The following A2M variants were observed in gnomAD, a reference collection of about 807,000 sequenced individuals.
The protein encoded by A2M is alpha-2-macroglobulin.
In A2M, 128 loss-of-function variants were observed where a neutral mutation model predicts 183.9. The ratio of observed to expected loss-of-function variants is 0.70; its 90% CI spans 0.60 to 0.81. The LOEUF is 0.81. Ranked by LOEUF, A2M falls within the 30% of genes least tolerant of loss-of-function variation. A2M has a pLI of 0.00. For missense variants in A2M, 1,495 were observed against 1,787.6 expected, an observed-to-expected ratio of 0.84 and a Z score of 2.95; for synonymous variants, 592 against 670.8, an observed-to-expected ratio of 0.88 and a Z score of 1.81.
rs2137788706 is a variant in A2M, at chr12:9,090,455, C to T, written c.2497G>A (p.Ala833Thr). ...RVSVQLEASP[A>T]FLAVPVEKEQ... ...TTCTCCACTGGGACAGCTAGGAAGG[C>T]GGGAGAGGCTTCCAGCTGCACACTG... Residue 833 changes from alanine (A) to threonine (T), a missense_variant, in exon 20 of 36, where the codon GCC becomes ACC. Coordinates refer to ENST00000318602, the MANE Select transcript of A2M (RefSeq NM_000014.6). The T allele has an allele frequency of 1.9e-6, 3 of 1,613,864 alleles. No homozygotes were observed. Among genetic ancestry groups the T allele is most frequent in the African/African-American group, 1.3e-5 (1 of 75,004 alleles).
In A2M at chr12:9,095,708, A is replaced by G; in HGVS notation, c.1852-8T>C. ...TGGTAGCAGGTTGTAAACCTGTACA[A>G]ATACGAAAGACAAAAAGGCAAACTT... On this transcript the variant is annotated splice_region_variant and splice_polypyrimidine_tract_variant and intron_variant, in intron 15 of 35. Coordinates refer to ENST00000318602, the MANE Select transcript of A2M (RefSeq NM_000014.6). The G allele has an allele frequency of 6.4e-7, 1 of 1,561,354 alleles. No homozygotes were observed. The highest frequency in any genetic ancestry group is 2.3e-5 in the East Asian group (1 of 44,148).
intron 22 of A2M, among the ~76,000 whole-genome samples, chr12:9,087,358 C>T (rs1949080600): frequency 6.6e-6 from 1 of 152,080 alleles, no homozygotes. Flanking sequence ...CTATTTATGG[C>T]AGCATGATTA....
intron 35 of A2M, 159 bp downstream of exon 35, chr12:9,068,024 A>G: frequency 1.0e-6 from 1 of 980,464 alleles, no homozygotes. Context: ...TGACAGAGTC[A>G]GCGGCCCTCT....
chr12:9,074,913 T>C, intron 28 of A2M, 130 bp from the exon 29 acceptor site: 1 of 990,726 alleles, frequency 1.0e-6, no homozygotes, highest in African/African-American at 1.6e-5. Flanking sequence ...ATGTAGATGC[T>C]TTTCCCTTCA....
At chr12:9,072,511 A>G (rs773551777) in intron 30 of A2M, 25 bp from the exon 31 acceptor site, 1 of 1,605,064 alleles carries the variant, frequency 6.2e-7, no homozygotes, top group Non-Finnish European at 8.5e-7. Flanking sequence ...AGACAAAATC[A>G]GTTTTTTGCC....
Position 9,115,795 on chromosome 12 carries a change from G to A in A2M, c.55C>T (p.Leu19=). The A allele has an allele frequency of 6.2e-7, 1 of 1,613,532 alleles. No individual in the cohort carries two copies. The highest frequency in any genetic ancestry group is 8.5e-7 in the Non-Finnish European group (1 of 1,179,502). Residue 19 remains leucine (L), a synonymous_variant, in exon 1 of 36, where the codon CTG becomes TTG. Transcript: ENST00000318602. Reference sequence around the variant, plus strand: ...CCAGAGACTGAGGCGTCTGTGGGCAGGAGGACCAAGAGGAGAAGAACCAGA... The same window carrying A: ...CCAGAGACTGAGGCGTCTGTGGGCAAGAGGACCAAGAGGAGAAGAACCAGA... ...PSLVLLLLVL[L]PTDASVSGKP...
At position 9,109,049 on chromosome 12, in the gene A2M, T is replaced by C. The variant is rs752198575; in HGVS notation, c.758+272A>G. On this transcript the variant is annotated intron_variant, in intron 7 of 35. Coordinates refer to ENST00000318602, the MANE Select transcript of A2M (RefSeq NM_000014.6). ...CCTTCCCATTTTGTGTGTGTGTGTG[T>C]GTGCAGTTTTGTCACTTTCAGAATC... Among the ~76,000 whole-genome samples, 5 of 152,168 alleles carry C rather than the reference T, an allele frequency of 3.3e-5. No homozygotes were observed. The South Asian group carries it at 6.2e-4, about 19-fold the overall frequency.
chr12:9,109,819 T>C, intron 6 of A2M, 48 bp downstream of exon 6: 1 of 1,530,570 alleles, frequency 6.5e-7, no homozygotes, highest in South Asian at 1.3e-5. Flanking sequence ...GACCTAAGAG[T>C]TTAAATATGA....
At chr12:9,113,301 A>C in intron 2 of A2M, 59 bp downstream of exon 2, 1 of 1,562,788 alleles carries the variant, frequency 6.4e-7, no homozygotes, top group Non-Finnish European at 8.7e-7. Flanking sequence ...ACAGAATACT[A>C]GATCCCTATG....
At chr12:9,074,458 A>T in intron 29 of A2M, 102 bp downstream of exon 29, 1 of 1,140,832 alleles carries the variant, frequency 8.8e-7, no homozygotes, top group Non-Finnish European at 1.2e-6. Flanking sequence ...ATTTCAAGTT[A>T]CTGTCATCTG....
In A2M at chr12:9,102,135, T is replaced by C. The variant is rs145626886; in HGVS notation, c.1267-461A>G. The stretch of plus-strand genomic sequence containing the variant: ...GTAACCTTAGGGGTCTGAGAAGACA[T>C]TGGTAGAAAGCATTGGTTTAAGAGC... On this transcript the variant is annotated intron_variant, in intron 11 of 35. Coordinates refer to ENST00000318602, the MANE Select transcript of A2M (RefSeq NM_000014.6). Among the ~76,000 whole-genome samples, 266 of 152,330 alleles carry C rather than the reference T, an allele frequency of 1.7e-3. 2 individuals carry two copies. Among genetic ancestry groups the C allele is most frequent in the African/African-American group, 6.1e-3 (252 of 41,572 alleles).
chr12:9,069,047 A>G, intron 33 of A2M: 1 of 459,410 alleles, frequency 2.2e-6, no homozygotes, highest in East Asian at 3.4e-5. Context: ...TAACGCATAT[A>G]CCTCTGTCAA....
chr12:9,101,252 C>T (rs911649152), intron 12 of A2M, 45 bp from the exon 13 acceptor site: 3 of 1,530,646 alleles, frequency 2.0e-6, no homozygotes, highest in African/African-American at 2.8e-5. Context: ...CCAGAGAGAA[C>T]ACGCTTCAGT....
intron 22 of A2M, among the ~76,000 whole-genome samples, chr12:9,088,007 T>C (rs1949099601): frequency 6.6e-6 from 1 of 152,174 alleles, no homozygotes; most frequent in Non-Finnish European, 1.5e-5. Flanking sequence ...GATGTATTTA[T>C]ATTATAGGCT....
In A2M at chr12:9,095,639, T is replaced by C; in HGVS notation, c.1913A>G (p.Asp638Gly). 1 of 1,612,430 alleles carries C rather than the reference T, an allele frequency of 6.2e-7. No homozygotes were observed. The highest frequency in any genetic ancestry group is 8.5e-7 in the Non-Finnish European group (1 of 1,178,714). Residue 638 changes from aspartate (D) to glycine (G), a missense_variant, in exon 16 of 36, where the codon GAC becomes GGC. Physicochemically the swap from Asp to Gly is moderately conservative, Grantham distance 94 (BLOSUM62 -1). Transcript: ENST00000318602. ...ATGACGATTGATGCAGTCTTCATTG[T>C]CCTGGTCATTCAAAGGCCCAGGGAA... is the stretch of plus-strand genomic sequence containing the variant. ...TGFPGPLNDQ[D>G]NEDCINRHNV...
At chr12:9,068,322 G>T (rs1948457380) in intron 34 of A2M, 98 bp from the exon 35 acceptor site, 3 of 1,259,942 alleles carry the variant, frequency 2.4e-6, no homozygotes, top group Non-Finnish European at 3.3e-6. Context: ...GGAGTTTGTT[G>T]TGGGAAGAAC....
At chr12:9,080,227 C>A (rs370385951) in intron 22 of A2M, 50 bp from the exon 23 acceptor site, 17 of 1,278,202 alleles carry the variant, frequency 1.3e-5, no homozygotes, top group Non-Finnish European at 1.9e-5. Flanking sequence ...TGCATTATAT[C>A]TTTCTAAACA....
chr12:9,109,943 G>A lies in A2M; in HGVS notation c.597C>T (p.Phe199=). Residue 199 remains phenylalanine, a synonymous_variant, in exon 6 of 36, where the codon TTC becomes TTT. Coordinates refer to ENST00000318602, the MANE Select transcript of A2M (RefSeq NM_000014.6). ...QFSFPLSSEP[F]QGSYKVVVQK... is the part of the protein sequence containing the mutation. Reference sequence around the variant, plus strand: ...GTACCACCACCTTGTAGGAGCCCTGGAAGGGCTCTGATGAGAGGGGAAAAG... The same window carrying A: ...GTACCACCACCTTGTAGGAGCCCTGAAAGGGCTCTGATGAGAGGGGAAAAG... 1 of 1,613,686 alleles carries A rather than the reference G, an allele frequency of 6.2e-7. No individual in the cohort carries two copies. The highest frequency in any genetic ancestry group is 1.3e-5 in the African/African-American group (1 of 75,034).
In A2M at chr12:9,077,421, C is replaced by T. The variant is rs774975075; in HGVS notation, c.3277-1G>A. The T allele has an allele frequency of 1.2e-6, 2 of 1,611,936 alleles. No homozygotes were observed. The highest frequency in any genetic ancestry group is 3.3e-5 in the Admixed American group (2 of 59,804). ...GGGTCACTTCATCTTCTACTCCTCC[C>T]TGTGAATACGAGAGAGAGATCTGAA... On this transcript the variant is annotated splice_acceptor_variant, in intron 26 of 35. Coordinates refer to ENST00000318602, the MANE Select transcript of A2M (RefSeq NM_000014.6). LOFTEE classifies it high-confidence loss of function.
Sources: gnomAD v4.1 joint callset for allele counts (sites outside exome capture counted in the v4.1 genomes callset) on GRCh38, gnomAD v4.1.1 for gene constraint, MANE v1.5 for transcripts, NCBI Gene and HGNC (gene_info 2026-07-23, HGNC 2026-07-21) for gene names.